Variants in FLT1 observed in about 807,000 individuals in gnomAD.
FLT1 encodes fms related receptor tyrosine kinase 1, also known as vascular endothelial growth factor receptor 1.
Under a neutral mutation model 156.3 loss-of-function variants are expected in FLT1, and 49 were observed. The observed-to-expected ratio is 0.31, with a 90% confidence interval of 0.25 to 0.40. The LOEUF is 0.40. FLT1 is among the 10% of genes least tolerant of loss of function. The probability of loss-of-function intolerance (pLI) is 1.00; values close to 1 mark genes in which losing one functional copy is unlikely to be tolerated. For synonymous variants in FLT1, 594 were observed against 583.8 expected (o/e 1.02, Z -0.25); for missense variants, 1,322 against 1,637.2 (o/e 0.81, Z 3.32).
intron 3 of FLT1, among the ~76,000 whole-genome samples, chr13:28,449,318 G>A (rs1878791237): frequency 6.6e-6 from 1 of 152,176 alleles, no homozygotes; most frequent in African/African-American, 2.4e-5. Flanking sequence ...TCCCTGGTGG[G>A]CAGGTGGCAT....
intron 10 of FLT1, among the ~76,000 whole-genome samples, chr13:28,408,004 A>C (rs1875912648): frequency 6.6e-6 from 1 of 152,166 alleles, no homozygotes; most frequent in Non-Finnish European, 1.5e-5. Context: ...TAATGTGCAC[A>C]TATACACATG....
rs184547086 is a variant in FLT1 at position 28,434,312 on chromosome 13, T to A, written c.514-92A>T. 329 of 1,233,340 alleles carry A rather than the reference T, an allele frequency of 2.7e-4. No homozygotes were observed. The African/African-American group carries it at 4.6e-3, about 17-fold the overall frequency. The allele number at this position is 1,233,340 out of a possible 1,614,324, so 76.4% of individuals were successfully genotyped here. On this transcript the variant is annotated intron_variant, in intron 4 of 29. Transcript: ENST00000282397. The stretch of plus-strand genomic sequence containing the variant: ...CAGTTTGTGAAAACATGATTTTTCA[T>A]CTAAAATGAAAATAGTAAAACTTTG...
At chr13:28,432,564 C>A (rs1385759617) in intron 6 of FLT1, among the ~76,000 whole-genome samples, 5 of 152,200 alleles carry the variant, frequency 3.3e-5, no homozygotes, top group Non-Finnish European at 7.3e-5. Context: ...CAGCCACCAG[C>A]CACGTGTGGC....
At chr13:28,394,475 T>A (rs1262225764) in intron 12 of FLT1, among the ~76,000 whole-genome samples, 1 of 152,180 alleles carries the variant, frequency 6.6e-6, no homozygotes, top group Non-Finnish European at 1.5e-5. Context: ...ATCACCTTTA[T>A]CAACTTGGGC....
chr13:28,377,962 T>TA (rs958016118), intron 14 of FLT1, among the ~76,000 whole-genome samples: 2 of 152,000 alleles, frequency 1.3e-5, no homozygotes, highest in African/African-American at 4.8e-5. Context: ...GTCTAGTTTT[T>TA]AAAAAAAATG....
intron 1 of FLT1, among the ~76,000 whole-genome samples, chr13:28,481,624 G>T (rs1345727778): frequency 6.6e-6 from 1 of 152,226 alleles, no homozygotes; most frequent in Non-Finnish European, 1.5e-5. Flanking sequence ...CACTGTACTG[G>T]ATTCACAATT....
At chr13:28,444,444 A>G (rs1771767970) in intron 3 of FLT1, among the ~76,000 whole-genome samples, 1 of 152,154 alleles carries the variant, frequency 6.6e-6, no homozygotes, top group South Asian at 2.1e-4. Context: ...CCACTTAAAA[A>G]AAAAAGTGGA....
chr13:28,456,960 T>A (rs1230727562), intron 3 of FLT1, among the ~76,000 whole-genome samples: 1 of 152,178 alleles, frequency 6.6e-6, no homozygotes, highest in Non-Finnish European at 1.5e-5. Context: ...ATCCATAGAA[T>A]GTCCAACACC....
chr13:28,307,929 G>A (rs559468161), intron 28 of FLT1, among the ~76,000 whole-genome samples: 187 of 152,220 alleles, frequency 1.2e-3, no homozygotes, highest in South Asian at 5.2e-3. Flanking sequence ...CCACCACCAC[G>A]CCCAGCTAAT....
chr13:28,378,553 C>A (rs1873945075), intron 14 of FLT1, among the ~76,000 whole-genome samples: 1 of 152,088 alleles, frequency 6.6e-6, no homozygotes, highest in African/African-American at 2.4e-5. Flanking sequence ...CTGGTCTGAA[C>A]CTTGGAGGGC....
At position 28,322,391 on chromosome 13, in the gene FLT1, A is replaced by T. The variant is rs1015466012; in HGVS notation, c.2954-32T>A. ...AGCATTAGAACCGTAACTGTTTGTA[A>T]TGGCTCTTGTTATCCCACCAAATCC... On this transcript the variant is annotated intron_variant, in intron 21 of 29. Transcript: ENST00000282397. The surrounding 1 kb of genome is among the most constrained non-coding windows in gnomAD (Gnocchi z 4.3). 2.9e-6 allele frequency: 4 copies of T among 1,387,066 alleles called. No homozygotes were observed. The highest frequency in any genetic ancestry group is 4.1e-6 in the Non-Finnish European group (4 of 973,224). 85.9% of individuals were successfully genotyped at this position (1,387,066 alleles called of 1,614,324 possible). A position where few individuals can be genotyped will look rare whatever the true frequency, so the allele number is the denominator to read the frequency against.
At chr13:28,477,401 C>G (rs1177347963) in intron 1 of FLT1, among the ~76,000 whole-genome samples, 1 of 152,206 alleles carries the variant, frequency 6.6e-6, no homozygotes, top group Admixed American at 6.5e-5. Context: ...CACCGCTGGT[C>G]TGTTATTAAA....
intron 3 of FLT1, among the ~76,000 whole-genome samples, chr13:28,455,556 A>G (rs1170151777): frequency 6.6e-6 from 1 of 152,198 alleles, no homozygotes; most frequent in African/African-American, 2.4e-5. Context: ...ATAACAGGAG[A>G]AAACCTAGAT....
At chr13:28,450,284 C>T (rs374553730) in intron 3 of FLT1, among the ~76,000 whole-genome samples, 1 of 152,130 alleles carries the variant, frequency 6.6e-6, no homozygotes, top group Non-Finnish European at 1.5e-5. Context: ...TAAAAATTTA[C>T]AGCTAAGATC....
intron 10 of FLT1, among the ~76,000 whole-genome samples, chr13:28,413,803 G>A (rs1876474223): frequency 6.6e-6 from 1 of 152,200 alleles, no homozygotes; most frequent in African/African-American, 2.4e-5. Context: ...TTTTGGGAGT[G>A]GAGGTAGGGA....
intron 14 of FLT1, among the ~76,000 whole-genome samples, chr13:28,360,656 G>A (rs963222347): frequency 1.3e-5 from 2 of 152,182 alleles, no homozygotes; most frequent in Non-Finnish European, 2.9e-5. Context: ...TAGATGTAGA[G>A]AGTAGAGTGA....
At chr13:28,321,819 G>A (rs553605342) in intron 22 of FLT1, among the ~76,000 whole-genome samples, 6 of 152,370 alleles carry the variant, frequency 3.9e-5, no homozygotes, top group African/African-American at 1.2e-4. Flanking sequence ...TTTGATCAGC[G>A]AAGCTGGTTA....
chr13:28,407,583 G>T (rs1701518800), intron 10 of FLT1, among the ~76,000 whole-genome samples: 1 of 152,094 alleles, frequency 6.6e-6, no homozygotes, highest in African/African-American at 2.4e-5. Flanking sequence ...TTCCGTGGTG[G>T]TGTTTGCACC....
At chr13:28,331,001 C>T (rs1871910981) in intron 18 of FLT1, among the ~76,000 whole-genome samples, 1 of 152,150 alleles carries the variant, frequency 6.6e-6, no homozygotes, top group African/African-American at 2.4e-5. Context: ...GCAGGTTAAC[C>T]ACGTTAATGG....
Sources: allele counts gnomAD v4.1 joint callset (sites outside exome capture counted in the v4.1 genomes callset), GRCh38; gene constraint gnomAD v4.1.1; non-coding constraint Gnocchi (gnomAD v3.1); transcripts MANE v1.5; gene names NCBI Gene and HGNC (gene_info 2026-07-23, HGNC 2026-07-21).